The following KRT76 variants were observed in gnomAD, a reference collection of about 807,000 sequenced individuals.
KRT76 encodes the protein keratin 76.
A neutral mutation model predicts 44.9 loss-of-function variants in KRT76; 47 were observed. The observed-to-expected ratio is 1.05, with a 90% CI of 0.83 to 1.33. KRT76 has a LOEUF of 1.33. Ranked by LOEUF, KRT76 falls within the 40% of genes most tolerant of loss-of-function variation. The pLI, the probability that KRT76 is intolerant of heterozygous loss-of-function variation, is 0.00. For synonymous variants in KRT76, 331 were observed against 294.1 expected (o/e 1.13, Z -1.28); for missense variants, 860 against 775.8 (o/e 1.11, Z -1.29).
At position 52,768,926 on chromosome 12, in the gene KRT76, C is replaced by G. The variant is rs1180019299; in HGVS notation, c.1704G>C (p.Gly568=). 3.2e-6 allele frequency: 5 copies of G among 1,566,308 alleles called. No individual in the cohort carries two copies. The highest frequency in any genetic ancestry group is 4.4e-6 in the Non-Finnish European group (5 of 1,141,116). ...GGTAGCTCCCGCTGCTACCCCTGCC[C>G]CCAGTGCTGCCACTGCTGACCCCTC... ...GYGGVSSGST[G]GRGSSGSYQS... is the part of the protein sequence containing the mutation. Residue 568 remains glycine, a synonymous_variant, in exon 9 of 9, where the codon GGG becomes GGC. Coordinates refer to ENST00000332411, the MANE Select transcript of KRT76 (RefSeq NM_015848.4).
rs369616230 is a variant in KRT76 at position 52,773,573 on chromosome 12, C to T, written c.876+9G>A. The T allele has an allele frequency of 6.2e-7, 1 of 1,608,770 alleles. No individual in the cohort carries two copies. Among genetic ancestry groups the T allele is most frequent in the Non-Finnish European group, 8.5e-7 (1 of 1,176,004 alleles). On this transcript the variant is annotated intron_variant, in intron 3 of 8. Transcript: ENST00000332411. ...GGAAACCTGGATATGCTGGTCCAGG[C>T]TCACCTACCTTCTTGAGCCCCACAA...
intron 2 of KRT76, 99 bp from the exon 3 acceptor site, chr12:52,773,741 A>G: frequency 1.0e-6 from 1 of 966,044 alleles, no homozygotes; most frequent in Non-Finnish European, 1.6e-6. Flanking sequence ...CAGAGACAGG[A>G]CGAGCTTCAT....
intron 4 of KRT76, among the ~76,000 whole-genome samples, chr12:52,772,559 G>T (rs1939202949): frequency 6.6e-6 from 1 of 152,212 alleles, no homozygotes. Context: ...TATGACATGG[G>T]TATAGAAGCC....
intron 3 of KRT76, 25 bp from the exon 4 acceptor site, chr12:52,772,903 A>C (rs1163576629): frequency 1.3e-6 from 2 of 1,555,894 alleles, no homozygotes; most frequent in East Asian, 4.5e-5. Context: ...AGAAACCCAG[A>C]GAATGACCCT....
chr12:52,771,785 A>G, intron 6 of KRT76, 86 bp downstream of exon 6: 1 of 1,464,184 alleles, frequency 6.8e-7, no homozygotes, highest in South Asian at 1.3e-5. Context: ...GGATGGAGAG[A>G]GCATGTAGCA....
intron 3 of KRT76, 29 bp downstream of exon 3, chr12:52,773,553 C>A: frequency 6.3e-7 from 1 of 1,589,934 alleles, no homozygotes. Flanking sequence ...AGAAAGGAAA[C>A]CTGGATATGC....
At chr12:52,771,598 C>G (rs1489986207) in intron 6 of KRT76, among the ~76,000 whole-genome samples, 1 of 152,204 alleles carries the variant, frequency 6.6e-6, no homozygotes, top group Non-Finnish European at 1.5e-5. Flanking sequence ...AAGGGCAGAT[C>G]CTGCTGACAT....
intron 4 of KRT76, 149 bp downstream of exon 4, chr12:52,772,634 G>T (rs572909377): frequency 1.5e-6 from 1 of 688,776 alleles, no homozygotes; most frequent in Non-Finnish European, 2.6e-6. Context: ...GACTGAAGAA[G>T]CTCAGTTAAC....
Position 52,768,540 on chromosome 12 carries a change from T to A in KRT76, c.*173A>T. 1 of 686,476 alleles carries A rather than the reference T, an allele frequency of 1.5e-6. No individual in the cohort carries two copies. The highest frequency in any genetic ancestry group is 2.6e-5 in the East Asian group (1 of 38,852). The allele number at this position is 686,476 out of a possible 1,614,324, so 42.5% of individuals were successfully genotyped here. The stretch of plus-strand genomic sequence containing the variant: ...TCCCAGACCAGCAGCAGGACCTCCA[T>A]GGCCCTGGGAAGGTCATGGGGATGG... On this transcript the variant is annotated 3_prime_UTR_variant, in exon 9 of 9. Coordinates refer to ENST00000332411, the MANE Select transcript of KRT76 (RefSeq NM_015848.4).
At chr12:52,770,958 T>C (rs529756641) in intron 7 of KRT76, 41 bp downstream of exon 7, 2 of 1,613,008 alleles carry the variant, frequency 1.2e-6, no homozygotes, top group South Asian at 2.2e-5. Context: ...AAGGTCACTC[T>C]AAAACCATAT....
In KRT76 at chr12:52,771,190, C is replaced by G; in HGVS notation, c.1293G>C (p.Glu431Asp). Residue 431 changes from glutamate (E) to aspartate (D), a missense_variant, in exon 7 of 9, where the codon GAG becomes GAC. By Grantham distance (45) the Glu-to-Asp change is conservative. Coordinates refer to ENST00000332411, the MANE Select transcript of KRT76 (RefSeq NM_015848.4). The part of the protein sequence containing the change: ...QNANLQTAIA[E>D]AEQRGEMALK... Reference sequence around the variant, plus strand: ...GGGCCATCTCTCCACGCTGCTCAGCCTCTGCAATTGCCGTCTGCAGGTTGG... The same window carrying G: ...GGGCCATCTCTCCACGCTGCTCAGCGTCTGCAATTGCCGTCTGCAGGTTGG... The G allele has an allele frequency of 6.2e-7, 1 of 1,614,210 alleles. No individual in the cohort carries two copies. Among genetic ancestry groups the G allele is most frequent in the Non-Finnish European group, 8.5e-7 (1 of 1,180,040 alleles).
chr12:52,773,664 A>G, intron 2 of KRT76, 22 bp from the exon 3 acceptor site: 2 of 1,601,114 alleles, frequency 1.2e-6, no homozygotes, highest in East Asian at 4.5e-5. Flanking sequence ...AGAGGCACAC[A>G]TTTGAACACT....
At chr12:52,772,290 T>A (rs1332014825) in intron 4 of KRT76, 32 bp from the exon 5 acceptor site, 1 of 1,563,062 alleles carries the variant, frequency 6.4e-7, no homozygotes, top group African/African-American at 1.4e-5. Context: ...ACTCTTACCA[T>A]CGCCTGGACC....
At position 52,772,794 on chromosome 12, in the gene KRT76, G is replaced by C. The variant is rs923577872; in HGVS notation, c.961C>G (p.Leu321Val). The C allele has an allele frequency of 1.1e-5, 17 of 1,609,446 alleles. No individual in the cohort carries two copies. The highest frequency in any genetic ancestry group is 1.3e-5 in the Non-Finnish European group (15 of 1,175,798). Residue 321 changes from leucine (L) to valine (V), a missense_variant, in exon 4 of 9, where the codon CTC (leucine) becomes GTC (valine). Leu to Val is a conservative substitution (Grantham distance 32). Coordinates refer to ENST00000332411, the MANE Select transcript of KRT76 (RefSeq NM_015848.4). Reference protein sequence around the residue: ...LTDEVSFLRTLYEMELSQMQS... With the variant: ...LTDEVSFLRTVYEMELSQMQS... ...AACCAAGGAATCACCATCTCATAGA[G>C]GGTCCTCAGGAAGCTGACTTCATCT...
intron 1 of KRT76, 73 bp from the exon 2 acceptor site, chr12:52,775,675 A>T: frequency 8.4e-7 from 1 of 1,184,868 alleles, no homozygotes; most frequent in Non-Finnish European, 1.2e-6. Context: ...CCAAATGTAG[A>T]ACTGTGGAGA....
Position 52,768,448 on chromosome 12 carries a change from G to A in KRT76, c.*265C>T. The A allele has an allele frequency of 2.3e-6, 1 of 430,030 alleles. No individual in the cohort carries two copies. Among genetic ancestry groups the A allele is most frequent in the Admixed American group, 3.7e-5 (1 of 26,838 alleles). The allele number at this position is 430,030 out of a possible 1,614,324, so 26.6% of individuals were successfully genotyped here. A position where few individuals can be genotyped will look rare whatever the true frequency, so the allele number is the denominator to read the frequency against. ...GGCCAGGCTGTGAAGGCCAAAACTG[G>A]CTTGGGCTCAGGGGTTGCTGTCCAA... On this transcript the variant is annotated 3_prime_UTR_variant, in exon 9 of 9. Transcript: ENST00000332411.
In KRT76 at chr12:52,768,416, G is replaced by A; in HGVS notation, c.*297C>T. On this transcript the variant is annotated 3_prime_UTR_variant, in exon 9 of 9. Transcript: ENST00000332411. ...GTAAGAAAGGGAGATGGGCCAGAGTGGGAACAGGCCAGGCTGTGAAGGCCA... is the reference window on the plus strand; with the variant it reads ...GTAAGAAAGGGAGATGGGCCAGAGTAGGAACAGGCCAGGCTGTGAAGGCCA... 6.0e-6 allele frequency: 2 copies of A among 335,962 alleles called. No individual in the cohort carries two copies. The highest frequency in any genetic ancestry group is 1.1e-5 in the Non-Finnish European group (2 of 182,028). The allele number at this position is 335,962 out of a possible 1,614,324, so 20.8% of individuals were successfully genotyped here.
chr12:52,769,918 T>A (rs1939153827), intron 7 of KRT76, among the ~76,000 whole-genome samples: 1 of 152,170 alleles, frequency 6.6e-6, no homozygotes, highest in Non-Finnish European at 1.5e-5. Context: ...GCCCTTTCAT[T>A]CTTCTCTACC....
At chr12:52,771,760 T>G in intron 6 of KRT76, 111 bp downstream of exon 6, 1 of 1,350,978 alleles carries the variant, frequency 7.4e-7, no homozygotes, top group Middle Eastern at 2.6e-4. Context: ...CTATCCCACA[T>G]GTGACACCAT....
Sources: gnomAD v4.1 joint callset for allele counts (sites outside exome capture counted in the v4.1 genomes callset) on GRCh38, gnomAD v4.1.1 for gene constraint, MANE v1.5 for transcripts, NCBI Gene and HGNC (gene_info 2026-07-23, HGNC 2026-07-21) for gene names.